The following PCDH15 variants were observed in gnomAD, a reference collection of about 807,000 sequenced individuals.
PCDH15 encodes the protein protocadherin related 15.
In PCDH15, 129 loss-of-function variants were observed where a neutral mutation model predicts 178.5. That is an observed-to-expected ratio of 0.72 (90% CI 0.63 to 0.84). PCDH15 has a LOEUF of 0.84. PCDH15 is among the 40% of genes least tolerant of loss of function. PCDH15 has a pLI of 0.00. For synonymous variants in PCDH15, 800 were observed against 732.0 expected (o/e 1.09, Z -1.50); for missense variants, 2,230 against 2,099.9 (o/e 1.06, Z -1.21).
chr10:54,896,217 A>C (rs948874079), intron 3 of PCDH15, among the ~76,000 whole-genome samples: 1 of 152,132 alleles, frequency 6.6e-6, no homozygotes, highest in East Asian at 1.9e-4. Context: ...GGTAAACATA[A>C]ATGCAAATCA....
At chr10:54,968,891 ATT>A (rs1218555385) in intron 2 of PCDH15, among the ~76,000 whole-genome samples, 1 of 151,838 alleles carries the variant, frequency 6.6e-6, no homozygotes, top group Non-Finnish European at 1.5e-5. Flanking sequence ...AAACGTGTTT[ATT>A]TTTTTGTTAA....
rs202215023 is a variant in PCDH15 at position 55,314,362 on chromosome 10, T to C, written c.-156+5237A>G. On this transcript the variant is annotated intron_variant, in intron 1 of 5. Coordinates refer to the PCDH15 transcript ENST00000458638. ...ACATATTGGTGGGAAAAAGGACATT[T>C]AACTGCTGAAGAAAAACAAAAATAA... Among the ~76,000 whole-genome samples, 45 of 151,896 alleles carry C rather than the reference T, an allele frequency of 3.0e-4. No individual in the cohort carries two copies. The East Asian group carries it at 4.5e-3, about 15-fold the overall frequency.
At chr10:54,293,666 C>G (rs1161383923) in intron 8 of PCDH15, among the ~76,000 whole-genome samples, 1 of 152,178 alleles carries the variant, frequency 6.6e-6, no homozygotes, top group Non-Finnish European at 1.5e-5. Context: ...AGGCTATGAA[C>G]AGATTCTTCT....
intron 2 of PCDH15, among the ~76,000 whole-genome samples, chr10:55,606,649 G>C (rs1454333703): frequency 6.8e-6 from 1 of 148,096 alleles, no homozygotes; most frequent in Admixed American, 6.8e-5. Flanking sequence ...AATGGGGAAA[G>C]GATTCCCTAT....
chr10:54,025,413 C>A (rs2093051899), intron 18 of PCDH15, among the ~76,000 whole-genome samples: 1 of 152,080 alleles, frequency 6.6e-6, no homozygotes, highest in South Asian at 2.1e-4. Context: ...GAACTGAGAT[C>A]CCCACTTCCT....
At chr10:55,032,071 T>C (rs1840624450) in intron 2 of PCDH15, among the ~76,000 whole-genome samples, 1 of 152,140 alleles carries the variant, frequency 6.6e-6, no homozygotes, top group Non-Finnish European at 1.5e-5. Context: ...TTACGGGGGA[T>C]CTACCAAGGG....
At chr10:55,259,585 C>T (rs1044085449) in intron 1 of PCDH15, among the ~76,000 whole-genome samples, 2 of 152,070 alleles carry the variant, frequency 1.3e-5, no homozygotes, top group African/African-American at 4.8e-5. Context: ...TGAGGACATG[C>T]AGATAGCAAG....
At chr10:55,076,304 G>A (rs1034391134) in intron 2 of PCDH15, among the ~76,000 whole-genome samples, 1 of 151,944 alleles carries the variant, frequency 6.6e-6, no homozygotes, top group African/African-American at 2.4e-5. Flanking sequence ...TTTCCTAGAC[G>A]ATCTGTCTAT....
At chr10:54,068,558 A>AT (rs2094180601) in intron 17 of PCDH15, among the ~76,000 whole-genome samples, 1 of 152,188 alleles carries the variant, frequency 6.6e-6, no homozygotes, top group Non-Finnish European at 1.5e-5. Flanking sequence ...TATAAGTAAT[A>AT]ACATGGATTA....
At chr10:54,520,942 C>A (rs1396034871) in intron 3 of PCDH15, among the ~76,000 whole-genome samples, 1 of 151,684 alleles carries the variant, frequency 6.6e-6, no homozygotes, top group Non-Finnish European at 1.5e-5. Context: ...AAACATCATT[C>A]TCAGCAAACT....
rs1232964055 is a variant in PCDH15 at position 54,726,429 on chromosome 10, T to TGTGG, written c.-28-62140_-28-62139insCCAC. On this transcript the variant is annotated intron_variant, in intron 1 of 37. Transcript: ENST00000644397. ...TTTCTACCCATCAGGGGTGTGTGTG[T>TGTGG]GTGTGTGTGTGTGTGTGTGTGTGTG... 1.9e-4 allele frequency among the ~76,000 whole-genome samples: 17 copies of TGTGG among 89,404 alleles called. No homozygotes were observed. In the South Asian group the frequency reaches 4.8e-3, roughly 25 times the overall value. The allele number at this position is 89,404 out of a possible 152,430, so 58.7% of individuals were successfully genotyped here.
chr10:54,813,838 T>C (rs2133732352), intron 3 of PCDH15, among the ~76,000 whole-genome samples: 1 of 152,334 alleles, frequency 6.6e-6, no homozygotes, highest in South Asian at 2.1e-4. Context: ...TGTCCACAGA[T>C]CTTTACATAA....
intron 1 of PCDH15, among the ~76,000 whole-genome samples, chr10:54,768,691 A>G (rs1292795019): frequency 6.6e-6 from 1 of 152,130 alleles, no homozygotes; most frequent in Non-Finnish European, 1.5e-5. Flanking sequence ...TAGGTTCTGA[A>G]TGGGGTAAAA....
Position 55,295,512 on chromosome 10 carries a change from G to A in PCDH15, c.-156+24087C>T, listed in dbSNP as rs542436796. Reference sequence around the variant, plus strand: ...AAAAATACCATGCTACAAACTTCCCGTGCTCTCGCCTTCATAGAAAAAGGA... The same window carrying A: ...AAAAATACCATGCTACAAACTTCCCATGCTCTCGCCTTCATAGAAAAAGGA... On this transcript the variant is annotated intron_variant, in intron 1 of 5. Coordinates refer to the PCDH15 transcript ENST00000458638. 4.6e-5 allele frequency among the ~76,000 whole-genome samples: 7 copies of A among 152,174 alleles called. No homozygotes were observed. The East Asian group carries it at 1.2e-3, about 25-fold the overall frequency.
chr10:55,458,095 T>C (rs1227456344), intron 2 of PCDH15, among the ~76,000 whole-genome samples: 6 of 152,164 alleles, frequency 3.9e-5, no homozygotes, highest in Admixed American at 1.3e-4. Context: ...TAGGATTCTG[T>C]ATTACCTAAT....
intron 2 of PCDH15, among the ~76,000 whole-genome samples, chr10:55,072,734 C>T (rs1340700987): frequency 1.3e-5 from 2 of 151,922 alleles, no homozygotes; most frequent in South Asian, 2.1e-4. Flanking sequence ...GGGAATCCTC[C>T]CTAACTCATT....
chr10:54,012,237 T>C (rs1565006689), intron 20 of PCDH15, among the ~76,000 whole-genome samples: 4 of 151,686 alleles, frequency 2.6e-5, no homozygotes, highest in Admixed American at 6.6e-5. Flanking sequence ...ACAAAAGTAA[T>C]AATTAAAAAA....
chr10:55,296,655 T>A (rs1036179683), intron 1 of PCDH15, among the ~76,000 whole-genome samples: 1 of 152,146 alleles, frequency 6.6e-6, no homozygotes, highest in African/African-American at 2.4e-5. Context: ...TTTTATTCCG[T>A]CACAGAAGCA....
chr10:54,351,713 G>A (rs912934647), intron 5 of PCDH15, among the ~76,000 whole-genome samples: 2 of 152,134 alleles, frequency 1.3e-5, no homozygotes, highest in Non-Finnish European at 2.9e-5. Context: ...AATTGCAACA[G>A]GATGGCCAGA....
Sources: allele counts gnomAD v4.1 joint callset (sites outside exome capture counted in the v4.1 genomes callset), GRCh38; gene constraint gnomAD v4.1.1; transcripts MANE v1.5; gene names NCBI Gene and HGNC (gene_info 2026-07-23, HGNC 2026-07-21).